The following DLC1 variants were observed in gnomAD, a reference collection of about 807,000 sequenced individuals.
The protein encoded by DLC1 is DLC1 Rho GTPase activating protein.
In DLC1, 54 loss-of-function variants were observed where a neutral mutation model predicts 140.3. The observed-to-expected ratio is 0.38, with a 90% confidence interval of 0.31 to 0.48. The LOEUF is 0.48. Ranked by LOEUF, DLC1 falls within the 20% of genes least tolerant of loss-of-function variation. The probability of loss-of-function intolerance (pLI) is 0.96; values close to 1 mark genes in which losing one functional copy is unlikely to be tolerated. For synonymous variants in DLC1, 986 were observed against 728.1 expected (o/e 1.35, Z -5.70); for missense variants, 2,536 against 1,907.0 (o/e 1.33, Z -6.14).
At position 13,240,583 on chromosome 8, in the gene DLC1, G is replaced by T. The variant is rs554463987; in HGVS notation, c.1348+64686C>A. Among the ~76,000 whole-genome samples, 17 of 151,974 alleles carry T rather than the reference G, an allele frequency of 1.1e-4. No homozygotes were observed. The South Asian group carries it at 3.5e-3, about 32-fold the overall frequency. ...TGGGACTACAGGCACATGCCACCAC[G>T]CCCCTCTAATTTTTGTATTTTTTGA... On this transcript the variant is annotated intron_variant, in intron 5 of 17. Transcript: ENST00000276297.
intron 4 of DLC1, among the ~76,000 whole-genome samples, chr8:13,354,534 A>T (rs916057416): frequency 2.0e-5 from 3 of 148,676 alleles, no homozygotes; most frequent in African/African-American, 7.4e-5. Flanking sequence ...TTAAAAAAAT[A>T]ACTGAACTTG....
chr8:13,293,005 T>C (rs1369568589), intron 5 of DLC1, among the ~76,000 whole-genome samples: 1 of 152,174 alleles, frequency 6.6e-6, no homozygotes, highest in Non-Finnish European at 1.5e-5. Context: ...GGAGGATCTC[T>C]TGGAGCCAGG....
chr8:13,393,010 C>A (rs1188258570), intron 4 of DLC1, among the ~76,000 whole-genome samples: 1 of 152,030 alleles, frequency 6.6e-6, no homozygotes, highest in African/African-American at 2.4e-5. Context: ...TGCATATAAA[C>A]CTATTATCTA....
chr8:13,139,288 C>CAAAAAAAAAAAAAA (rs67684524), intron 5 of DLC1, among the ~76,000 whole-genome samples: 8 of 49,288 alleles, frequency 1.6e-4, no homozygotes, highest in Non-Finnish European at 2.6e-4. Flanking sequence ...GACCCTGTCT[C>CAAAAAAAAAAAAAA]AAAAAAAAAA....
intron 3 of DLC1, among the ~76,000 whole-genome samples, chr8:13,399,588 A>G (rs937284190): frequency 3.9e-5 from 6 of 152,088 alleles, no homozygotes; most frequent in Non-Finnish European, 8.8e-5. Flanking sequence ...AGCGAGCCCT[A>G]AGAGACTGGC....
At chr8:13,130,217 T>C (rs887456273) in intron 5 of DLC1, among the ~76,000 whole-genome samples, 39 of 152,250 alleles carry the variant, frequency 2.6e-4, no homozygotes, top group African/African-American at 8.4e-4. Flanking sequence ...AAGTACTTAT[T>C]GCTGTATTTG....
intron 2 of DLC1, among the ~76,000 whole-genome samples, chr8:13,487,809 G>C (rs537774226): frequency 2.9e-4 from 44 of 152,176 alleles, no homozygotes; most frequent in African/African-American, 1.1e-3. Context: ...CTGACCTTGT[G>C]ATCCACCCGC....
intron 5 of DLC1, among the ~76,000 whole-genome samples, chr8:13,277,699 T>C (rs1831225795): frequency 6.6e-6 from 1 of 152,210 alleles, no homozygotes. Context: ...CCTCTTTTTT[T>C]TTCTGTCTAG....
At chr8:13,247,586 A>T (rs968661477) in intron 5 of DLC1, among the ~76,000 whole-genome samples, 15 of 152,160 alleles carry the variant, frequency 9.9e-5, no homozygotes, top group African/African-American at 3.6e-4. Context: ...CTACATTCTA[A>T]GCACAGAATG....
At chr8:13,178,091 T>C (rs1024244799) in intron 5 of DLC1, among the ~76,000 whole-genome samples, 1 of 152,128 alleles carries the variant, frequency 6.6e-6, no homozygotes, top group Admixed American at 6.5e-5. Flanking sequence ...TATATCTGTA[T>C]AGGGAAAAAC....
rs147543491 is a variant in DLC1, at chr8:13,414,860, G to T, written c.1024-13241C>A. 4.6e-3 allele frequency among the ~76,000 whole-genome samples: 702 copies of T among 152,254 alleles called. 3 individuals carry two copies. Among genetic ancestry groups the T allele is most frequent in the African/African-American group, 0.016 (673 of 41,538 alleles). On this transcript the variant is annotated intron_variant, in intron 2 of 17. Coordinates refer to ENST00000276297, the MANE Select transcript of DLC1 (RefSeq NM_182643.3). Reference sequence around the variant, plus strand: ...GAGTCTTGTTCTGTCACCCAGGCTGGAGTGCAATGGCTCAATCTCGGCCCA... The same window carrying T: ...GAGTCTTGTTCTGTCACCCAGGCTGTAGTGCAATGGCTCAATCTCGGCCCA...
chr8:13,581,398 C>T (rs991238719), intron 1 of DLC1, among the ~76,000 whole-genome samples: 5 of 152,154 alleles, frequency 3.3e-5, no homozygotes, highest in African/African-American at 1.2e-4. Context: ...TCTGTTCCAG[C>T]CTTCCCCATT....
At chr8:13,437,324 T>G (rs976441650) in intron 2 of DLC1, among the ~76,000 whole-genome samples, 2 of 152,228 alleles carry the variant, frequency 1.3e-5, no homozygotes, top group African/African-American at 4.8e-5. Context: ...AGCCTTCTTT[T>G]AGCCTTCTTT....
rs1157783111 is a variant in DLC1, at chr8:13,579,352, TATATA to T, written c.-126+25180_-126+25184del. Among the ~76,000 whole-genome samples, 48 of 31,506 alleles carry T rather than the reference TATATA, an allele frequency of 1.5e-3. 8 individuals are homozygous for T. The highest frequency in any genetic ancestry group is 0.012 in the East Asian group (8 of 648). 20.7% of individuals were successfully genotyped at this position (31,506 alleles called of 152,430 possible). Reference sequence around the variant, plus strand: ...ATATATATATATATATATATATATATATATATATATTTTTATATAATACATATTTA... The same window carrying T: ...ATATATATATATATATATATATATATTATATTTTTATATAATACATATTTA... On this transcript the variant is annotated intron_variant, in intron 1 of 1. Coordinates refer to the DLC1 transcript ENST00000631382.
At chr8:13,385,123 T>C (rs1836459915) in intron 4 of DLC1, among the ~76,000 whole-genome samples, 1 of 152,152 alleles carries the variant, frequency 6.6e-6, no homozygotes, top group Non-Finnish European at 1.5e-5. Context: ...GGAGCGGCCC[T>C]GATTTATTTG....
intron 5 of DLC1, among the ~76,000 whole-genome samples, chr8:13,277,448 T>A (rs1831217670): frequency 6.6e-6 from 1 of 152,194 alleles, no homozygotes; most frequent in Non-Finnish European, 1.5e-5. Context: ...CCTTAAAAAG[T>A]TTCAAATATC....
intron 1 of DLC1, among the ~76,000 whole-genome samples, chr8:13,573,599 G>A (rs946908303): frequency 2.6e-5 from 4 of 152,106 alleles, no homozygotes; most frequent in African/African-American, 9.7e-5. Flanking sequence ...TTCATATATG[G>A]CATTTTCATG....
intron 5 of DLC1, among the ~76,000 whole-genome samples, chr8:13,208,975 G>C (rs1044143922): frequency 1.6e-4 from 24 of 152,258 alleles, no homozygotes; most frequent in African/African-American, 5.8e-4. Flanking sequence ...GACTATTTTA[G>C]TTGATGTTAT....
chr8:13,330,190 G>C (rs563159881), intron 4 of DLC1, among the ~76,000 whole-genome samples: 2 of 152,170 alleles, frequency 1.3e-5, no homozygotes, highest in East Asian at 3.9e-4. Flanking sequence ...GTCTTCAACT[G>C]ATCCCCCTTT....
Sources: gnomAD v4.1 joint callset for allele counts (sites outside exome capture counted in the v4.1 genomes callset) on GRCh38, gnomAD v4.1.1 for gene constraint, MANE v1.5 for transcripts, NCBI Gene and HGNC (gene_info 2026-07-23, HGNC 2026-07-21) for gene names.